LRRC37A2: variants seen among roughly 807,000 people sequenced by gnomAD.
LRRC37A2 encodes the protein leucine rich repeat containing 37 member A2, also known as leucine-rich repeat-containing protein 37A2.
A neutral mutation model predicts 68.8 loss-of-function variants in LRRC37A2; 9 were observed. That is an observed-to-expected ratio of 0.13 (90% CI 0.08 to 0.23). LRRC37A2 has a LOEUF of 0.23. Ranked by LOEUF, LRRC37A2 falls within the 10% of genes least tolerant of loss-of-function variation. The pLI is 1.00. For synonymous variants in LRRC37A2, 63 were observed against 367.6 expected (o/e 0.17, Z 9.48); for missense variants, 168 against 950.4 (o/e 0.18, Z 10.82).
the LRRC37A2 span, chr17:46,756,034 A>T: frequency 1.8e-6 from 1 of 548,866 alleles, no homozygotes; most frequent in South Asian, 2.6e-5. Flanking sequence ...AATTTGGTTT[A>T]GAATGCTGCG....
At chr17:46,770,196 C>T in the LRRC37A2 span, 1 of 1,135,060 alleles carries the variant, frequency 8.8e-7, no homozygotes, top group Non-Finnish European at 1.2e-6. Flanking sequence ...AGGCAGCTTC[C>T]CCACCCTCTT....
At chr17:46,933,095 T>A in the LRRC37A2 span, 1 of 152,374 alleles carries the variant, frequency 6.6e-6, no homozygotes, top group East Asian at 1.9e-4. Context: ...TTCAAAAATT[T>A]AATGAACTAT....
At chr17:46,879,007 C>A in the LRRC37A2 span, among the ~76,000 whole-genome samples, 1 of 152,156 alleles carries the variant, frequency 6.6e-6, no homozygotes, top group African/African-American at 2.4e-5. Context: ...CCTCTTGGGG[C>A]CCCTGGGGAC....
chr17:46,853,518 C>T, the LRRC37A2 span, among the ~76,000 whole-genome samples: 7 of 151,808 alleles, frequency 4.6e-5, no homozygotes, highest in African/African-American at 9.7e-5. Context: ...ACTATAGGCG[C>T]GTGCCACCAT....
At chr17:46,495,010 C>T in the LRRC37A2 span, among the ~76,000 whole-genome samples, 1 of 149,694 alleles carries the variant, frequency 6.7e-6, no homozygotes, top group South Asian at 2.1e-4. Flanking sequence ...CATTCTACTG[C>T]CTATCTCCAT....
chr17:46,499,277 A>G, the LRRC37A2 span, among the ~76,000 whole-genome samples: 1 of 115,290 alleles, frequency 8.7e-6, no homozygotes. Flanking sequence ...GCACCACTGC[A>G]CTCCAGCCTG....
chr17:46,771,926 C>CCCGCCGCGCCG, the LRRC37A2 span, among the ~76,000 whole-genome samples: 4 of 145,294 alleles, frequency 2.8e-5, no homozygotes, highest in African/African-American at 4.9e-5. Flanking sequence ...GCGCCTCGGG[C>CCCGCCGCGCCG]CCGCCGCGCC....
At chr17:47,009,977 G>A in the LRRC37A2 span, among the ~76,000 whole-genome samples, 4 of 152,242 alleles carry the variant, frequency 2.6e-5, no homozygotes, top group Non-Finnish European at 4.4e-5. Flanking sequence ...GAGGGGACAA[G>A]TTGTCAGCTC....
At chr17:46,844,432 G>A in the LRRC37A2 span, among the ~76,000 whole-genome samples, 1 of 151,390 alleles carries the variant, frequency 6.6e-6, no homozygotes, top group Non-Finnish European at 1.5e-5. Flanking sequence ...CCTACCATGA[G>A]TTCAGGAAAA....
the LRRC37A2 span, among the ~76,000 whole-genome samples, chr17:46,803,207 C>G: frequency 2.6e-5 from 4 of 152,354 alleles, no homozygotes; most frequent in Admixed American, 2.6e-4. Context: ...AGAGGAAAGA[C>G]AGTTTACGTC....
the LRRC37A2 span, among the ~76,000 whole-genome samples, chr17:46,971,488 C>A: frequency 6.6e-6 from 1 of 152,156 alleles, no homozygotes; most frequent in African/African-American, 2.4e-5. Flanking sequence ...CAGTGCCCCA[C>A]CCTAGCCTGG....
At chr17:46,505,807 CTT>C in the LRRC37A2 span, among the ~76,000 whole-genome samples, 27 of 68,478 alleles carry the variant, frequency 3.9e-4, no homozygotes, top group Non-Finnish European at 3.7e-4. Context: ...TAAACATTGT[CTT>C]TTTTTTTTTT....
At chr17:46,760,186 G>C in the LRRC37A2 span, among the ~76,000 whole-genome samples, 1 of 152,170 alleles carries the variant, frequency 6.6e-6, no homozygotes, top group Non-Finnish European at 1.5e-5. Flanking sequence ...TTTGAGCCCA[G>C]GGGGTCAAGG....
At chr17:46,712,848 A>T in the LRRC37A2 span, among the ~76,000 whole-genome samples, 1 of 152,192 alleles carries the variant, frequency 6.6e-6, no homozygotes, top group Non-Finnish European at 1.5e-5. Flanking sequence ...TGTGTGTTAC[A>T]GAAGCCAAGA....
chr17:46,728,691 T>G, the LRRC37A2 span, among the ~76,000 whole-genome samples: 6 of 151,996 alleles, frequency 3.9e-5, no homozygotes, highest in African/African-American at 1.4e-4. Flanking sequence ...TGACTGTTAT[T>G]TAAGACTGTT....
At chr17:47,000,070 AAAATAAAAAATAAAATAAAAT>A in the LRRC37A2 span, among the ~76,000 whole-genome samples, 1 of 50,106 alleles carries the variant, frequency 2.0e-5, no homozygotes, top group African/African-American at 6.3e-5. Flanking sequence ...AAATTAAAAT[AAAATAAAAAATAAAATAAAAT>A]AAAATAAAAT....
the LRRC37A2 span, among the ~76,000 whole-genome samples, chr17:46,810,011 T>C: frequency 1.3e-5 from 2 of 148,780 alleles, no homozygotes; most frequent in Non-Finnish European, 3.0e-5. Flanking sequence ...TTTCTTTTTT[T>C]TTTTTTTTTT....
chr17:46,913,387 C>T, the LRRC37A2 span, among the ~76,000 whole-genome samples: 1 of 152,186 alleles, frequency 6.6e-6, no homozygotes, highest in Admixed American at 6.5e-5. Flanking sequence ...ACCCCTGTGA[C>T]GAGTGCTGAG....
At chr17:46,878,568 T>G in the LRRC37A2 span, among the ~76,000 whole-genome samples, 6 of 152,088 alleles carry the variant, frequency 3.9e-5, no homozygotes, top group Non-Finnish European at 1.5e-5. Flanking sequence ...GGGAGAGGGC[T>G]GGTTTTCTCC....
Sources: gnomAD v4.1 joint callset for allele counts (sites outside exome capture counted in the v4.1 genomes callset) on GRCh38, gnomAD v4.1.1 for gene constraint, MANE v1.5 for transcripts, NCBI Gene and HGNC (gene_info 2026-07-23, HGNC 2026-07-21) for gene names.